EPHA6: variants seen among roughly 807,000 people sequenced by gnomAD.
EPHA6 encodes the protein EPH receptor A6.
In EPHA6, 50 loss-of-function variants were observed where a neutral mutation model predicts 112.0. That is an observed-to-expected ratio of 0.45 (90% CI 0.36 to 0.56). The LOEUF is 0.56. EPHA6 is among the 20% of genes least tolerant of loss of function. The probability of loss-of-function intolerance (pLI) is 0.00; values close to 1 mark genes in which losing one functional copy is unlikely to be tolerated. For synonymous variants in EPHA6, 529 were observed against 490.7 expected, an observed-to-expected ratio of 1.08 and a Z score of -1.03; for missense variants, 1,280 against 1,417.4, an observed-to-expected ratio of 0.90 and a Z score of 1.56.
intron 3 of EPHA6, among the ~76,000 whole-genome samples, chr3:96,990,363 C>T (rs2043170411): frequency 6.6e-6 from 1 of 152,032 alleles, no homozygotes; most frequent in African/African-American, 2.4e-5. Flanking sequence ...GTTTTTATGG[C>T]TTGTTATCTT....
At chr3:97,681,756 A>G (rs1485594772) in intron 14 of EPHA6, among the ~76,000 whole-genome samples, 1 of 152,060 alleles carries the variant, frequency 6.6e-6, no homozygotes, top group Non-Finnish European at 1.5e-5. Context: ...ATAAATGAAG[A>G]AATGGTACCT....
At chr3:97,090,286 G>C (rs1381503037) in intron 3 of EPHA6, among the ~76,000 whole-genome samples, 1 of 151,796 alleles carries the variant, frequency 6.6e-6, no homozygotes, top group African/African-American at 2.4e-5. Context: ...ACAAATGCTG[G>C]CAACCCTTTG....
Position 97,532,528 on chromosome 3 carries a change from G to A in EPHA6, c.2371G>A (p.Gly791Arg). 1 of 1,602,586 alleles carries A rather than the reference G, an allele frequency of 6.2e-7. No homozygotes were observed. Among genetic ancestry groups the A allele is most frequent in the Non-Finnish European group, 8.5e-7 (1 of 1,175,334 alleles). The change falls in exon 11 of 18, where the codon GGG becomes AGG. Residue 791 changes from glycine (G) to arginine (R), a missense_variant. This residue lies in a region of EPHA6 where 878 missense variants were observed against 999.7 expected (regional missense o/e 0.88). Coordinates refer to ENST00000389672, the MANE Select transcript of EPHA6 (RefSeq NM_001080448.3). ...FDHPNIIRLE[G>R]VVTKRSFPAI... ...CCATCCAAACATCATTCGCCTAGAA[G>A]GGGTTGTCACCAAAAGTAAGTTACT...
At chr3:97,579,878 G>A (rs528432418) in intron 11 of EPHA6, among the ~76,000 whole-genome samples, 9 of 151,858 alleles carry the variant, frequency 5.9e-5, no homozygotes, top group Admixed American at 2.0e-4. Context: ...CAATAAACAA[G>A]CATCTTTTAA....
intron 2 of EPHA6, among the ~76,000 whole-genome samples, chr3:96,951,791 C>G (rs973665437): frequency 6.6e-6 from 1 of 152,058 alleles, no homozygotes; most frequent in African/African-American, 2.4e-5. Flanking sequence ...ATTTATAAAA[C>G]CAGAGGACAA....
At chr3:96,892,965 TGTGTGTGTGTGTGTGTTC>T (rs1283711701) in intron 2 of EPHA6, among the ~76,000 whole-genome samples, 3 of 132,016 alleles carry the variant, frequency 2.3e-5, no homozygotes, top group South Asian at 2.6e-4. Context: ...TGTGTGTGTG[TGTGTGTGTGTGTGTGTTC>T]GTGTGTGTGT....
chr3:97,145,103 A>C (rs375122673), intron 3 of EPHA6, among the ~76,000 whole-genome samples: 1 of 151,508 alleles, frequency 6.6e-6, no homozygotes, highest in Non-Finnish European at 1.5e-5. Flanking sequence ...ATAGAACTGT[A>C]TATTTAATAT....
chr3:97,242,508 A>G (rs1176834614), intron 4 of EPHA6, among the ~76,000 whole-genome samples: 1 of 151,870 alleles, frequency 6.6e-6, no homozygotes, highest in Non-Finnish European at 1.5e-5. Context: ...TGCAAACATT[A>G]TGATTTGAAT....
At chr3:97,029,057 A>G (rs561479403) in intron 3 of EPHA6, among the ~76,000 whole-genome samples, 24 of 151,772 alleles carry the variant, frequency 1.6e-4, no homozygotes, top group African/African-American at 5.8e-4. Context: ...AAGTATATCA[A>G]AATTGGAATT....
At chr3:97,167,197 CAG>C (rs1559769078) in intron 3 of EPHA6, among the ~76,000 whole-genome samples, 1 of 152,130 alleles carries the variant, frequency 6.6e-6, no homozygotes, top group Non-Finnish European at 1.5e-5. Context: ...AAAATTCAGA[CAG>C]ATGGAAAATA....
chr3:97,639,254 G>C (rs1193206870), intron 14 of EPHA6, among the ~76,000 whole-genome samples: 1 of 151,826 alleles, frequency 6.6e-6, no homozygotes, highest in Non-Finnish European at 1.5e-5. Flanking sequence ...AAGTCTATCA[G>C]TTCTGAAAAC....
intron 3 of EPHA6, among the ~76,000 whole-genome samples, chr3:97,198,259 C>T (rs778536185): frequency 6.6e-6 from 1 of 152,092 alleles, no homozygotes; most frequent in Non-Finnish European, 1.5e-5. Context: ...TGCCTGCTCA[C>T]CAAAAGGCAC....
intron 3 of EPHA6, among the ~76,000 whole-genome samples, chr3:97,166,397 A>G (rs902075267): frequency 6.6e-6 from 1 of 151,998 alleles, no homozygotes; most frequent in Non-Finnish European, 1.5e-5. Flanking sequence ...AAACGTGTGT[A>G]TAATGGCTTC....
At chr3:96,855,543 T>C (rs958112349) in intron 1 of EPHA6, among the ~76,000 whole-genome samples, 1 of 152,128 alleles carries the variant, frequency 6.6e-6, no homozygotes, top group African/African-American at 2.4e-5. Context: ...TGAGTTCAGA[T>C]GTGAACATGT....
chr3:97,009,001 C>T (rs2043985491), intron 3 of EPHA6, among the ~76,000 whole-genome samples: 1 of 152,120 alleles, frequency 6.6e-6, no homozygotes, highest in Non-Finnish European at 1.5e-5. Context: ...TGGGTGCCTT[C>T]TCCTTCTTTT....
intron 3 of EPHA6, among the ~76,000 whole-genome samples, chr3:97,121,252 C>T (rs963651296): frequency 3.9e-5 from 6 of 151,948 alleles, no homozygotes; most frequent in African/African-American, 1.2e-4. Context: ...GAAAAATTTA[C>T]GAATGCCCAT....
intron 5 of EPHA6, among the ~76,000 whole-genome samples, chr3:97,393,796 T>G (rs2086552487): frequency 6.6e-6 from 1 of 151,782 alleles, no homozygotes; most frequent in Admixed American, 6.6e-5. Context: ...GAGATCGACT[T>G]TTTTAGATGA....
At chr3:97,018,989 C>A (rs774213899) in intron 3 of EPHA6, among the ~76,000 whole-genome samples, 1 of 152,178 alleles carries the variant, frequency 6.6e-6, no homozygotes, top group African/African-American at 2.4e-5. Context: ...GTCTTCTGGT[C>A]ACTCCTCACT....
chr3:97,694,794 T>C (rs1489671912), intron 14 of EPHA6, among the ~76,000 whole-genome samples: 1 of 152,230 alleles, frequency 6.6e-6, no homozygotes, highest in Non-Finnish European at 1.5e-5. Flanking sequence ...CTTAACCTAC[T>C]TGGAACTAAA....
Sources: allele counts gnomAD v4.1 joint callset (sites outside exome capture counted in the v4.1 genomes callset), GRCh38; gene constraint gnomAD v4.1.1; regional missense constraint gnomAD v4.1.1; transcripts MANE v1.5; gene names NCBI Gene and HGNC (gene_info 2026-07-23, HGNC 2026-07-21).